RGS7BP: variants seen among roughly 807,000 people sequenced by gnomAD.
RGS7BP encodes the protein regulator of G protein signaling 7 binding protein.
A neutral mutation model predicts 31.3 loss-of-function variants in RGS7BP; 9 were observed. That is an observed-to-expected ratio of 0.29 (90% CI 0.17 to 0.50). The LOEUF is 0.50. Among genes scored for constraint, RGS7BP ranks in the 20% least tolerant of loss-of-function variants. RGS7BP has a pLI of 0.98. For synonymous variants in RGS7BP, 115 were observed against 120.1 expected (o/e 0.96, Z 0.28); for missense variants, 274 against 322.0 (o/e 0.85, Z 1.14).
Position 64,612,233 on chromosome 5 carries a change from C to T in RGS7BP, c.*2981C>T, listed in dbSNP as rs536518084. 147 of 152,176 alleles carry T rather than the reference C, an allele frequency of 9.7e-4. 1 individual carries two copies. Among genetic ancestry groups the T allele is most frequent in the African/African-American group, 3.4e-3 (142 of 41,412 alleles). The allele number at this position is 152,176 out of a possible 1,614,324, so 9.4% of individuals were successfully genotyped here. A position where few individuals can be genotyped will look rare whatever the true frequency, so the allele number is the denominator to read the frequency against. On this transcript the variant is annotated 3_prime_UTR_variant, in exon 6 of 6. Coordinates refer to ENST00000334025, the MANE Select transcript of RGS7BP (RefSeq NM_001029875.3). ...GGTTTTAAATCAGTCAGTGGCTGGG[C>T]CCAAAGGCACTTTTGGGTAAGATAA...
intron 2 of RGS7BP, among the ~76,000 whole-genome samples, chr5:64,553,724 G>C (rs564564311): frequency 6.6e-6 from 1 of 152,154 alleles, no homozygotes; most frequent in East Asian, 1.9e-4. Flanking sequence ...CATAAGGTCT[G>C]TGTAAGATTG....
At chr5:64,532,448 A>T (rs1423069508) in intron 2 of RGS7BP, among the ~76,000 whole-genome samples, 1 of 152,200 alleles carries the variant, frequency 6.6e-6, no homozygotes, top group Non-Finnish European at 1.5e-5. Flanking sequence ...ATTTATTCTT[A>T]GGAGAAATTG....
chr5:64,552,815 A>T (rs558892512), intron 2 of RGS7BP, among the ~76,000 whole-genome samples: 37 of 152,228 alleles, frequency 2.4e-4, no homozygotes, highest in Admixed American at 7.2e-4. Context: ...GGGCTCAAGT[A>T]ACCCTCCTGC....
chr5:64,582,853 C>A (rs149703664), intron 3 of RGS7BP, among the ~76,000 whole-genome samples: 81 of 152,066 alleles, frequency 5.3e-4, no homozygotes, highest in African/African-American at 1.9e-3. Flanking sequence ...AGGAGGTGAT[C>A]CACATCAATA....
chr5:64,507,737 G>A lies in RGS7BP; in HGVS notation c.192G>A (p.Val64=). The A allele has an allele frequency of 6.2e-7, 1 of 1,605,632 alleles. No homozygotes were observed. The highest frequency in any genetic ancestry group is 8.5e-7 in the Non-Finnish European group (1 of 1,176,670). The change falls in exon 2 of 6, where the codon GTG becomes GTA. Residue 64 remains valine, a synonymous_variant. Coordinates refer to ENST00000334025, the MANE Select transcript of RGS7BP (RefSeq NM_001029875.3). ...TTGTCCAAGAGTTCAACACACAAGT[G>A]GCCCTGTACCGAGAGCTGGTCATTT... The part of the protein sequence containing the change: ...KMLVQEFNTQ[V]ALYRELVISI...
At chr5:64,511,264 G>A (rs1259190901) in intron 2 of RGS7BP, among the ~76,000 whole-genome samples, 1 of 152,230 alleles carries the variant, frequency 6.6e-6, no homozygotes, top group African/African-American at 2.4e-5. Flanking sequence ...TTCTCAAATT[G>A]TGTTTGGATC....
intron 2 of RGS7BP, among the ~76,000 whole-genome samples, chr5:64,567,169 T>C (rs1458160929): frequency 6.7e-6 from 1 of 150,016 alleles, no homozygotes; most frequent in Non-Finnish European, 1.5e-5. Flanking sequence ...CAGAACATTC[T>C]TATTAGTATG....
rs1449573947 is a variant in RGS7BP at position 64,609,118 on chromosome 5, T to C, written c.683-43T>C. The stretch of plus-strand genomic sequence containing the variant: ...AGCCACTTCCTAAAAAGCAGGTTGT[T>C]GTGTCTATACCTCACTTATGTGCAC... On this transcript the variant is annotated intron_variant, in intron 5 of 5. Coordinates refer to ENST00000334025, the MANE Select transcript of RGS7BP (RefSeq NM_001029875.3). 2.4e-6 allele frequency: 3 copies of C among 1,255,572 alleles called. No individual in the cohort carries two copies. In the African/African-American group the frequency reaches 4.4e-5, roughly 19 times the overall value. 77.8% of individuals were successfully genotyped at this position (1,255,572 alleles called of 1,614,324 possible).
At chr5:64,548,504 C>T (rs1413531735) in intron 2 of RGS7BP, among the ~76,000 whole-genome samples, 1 of 152,050 alleles carries the variant, frequency 6.6e-6, no homozygotes, top group Non-Finnish European at 1.5e-5. Context: ...CCAACCTGTT[C>T]TCTTTTTTAT....
intron 2 of RGS7BP, among the ~76,000 whole-genome samples, chr5:64,559,566 C>T (rs1027795111): frequency 6.6e-6 from 1 of 152,126 alleles, no homozygotes; most frequent in Admixed American, 6.6e-5. Flanking sequence ...TGTATTATTT[C>T]AGGCTAACAC....
chr5:64,566,183 T>A (rs1742164866), intron 2 of RGS7BP, among the ~76,000 whole-genome samples: 1 of 152,114 alleles, frequency 6.6e-6, no homozygotes, highest in Non-Finnish European at 1.5e-5. Flanking sequence ...ATTAGTATGA[T>A]AAACAGATGC....
chr5:64,609,321 G>T lies in RGS7BP; in HGVS notation c.*69G>T. On this transcript the variant is annotated 3_prime_UTR_variant, in exon 6 of 6. Transcript: ENST00000334025. ...CACAAAACCCGAGGACCTCCAGACAGCTGAACCACACAGTTATTGGTTTTT... is the reference window on the plus strand; with the variant it reads ...CACAAAACCCGAGGACCTCCAGACATCTGAACCACACAGTTATTGGTTTTT... 2.3e-6 allele frequency: 2 copies of T among 859,036 alleles called. No individual in the cohort carries two copies. Among genetic ancestry groups the T allele is most frequent in the East Asian group, 2.4e-5 (1 of 41,320 alleles). 53.2% of individuals were successfully genotyped at this position (859,036 alleles called of 1,614,324 possible).
intron 2 of RGS7BP, among the ~76,000 whole-genome samples, chr5:64,517,622 C>T (rs955920960): frequency 7.9e-5 from 12 of 152,194 alleles, no homozygotes; most frequent in Admixed American, 4.6e-4. Flanking sequence ...GTCTTACCTG[C>T]ACCTCATTAT....
chr5:64,540,738 G>C (rs1371135243), intron 2 of RGS7BP, among the ~76,000 whole-genome samples: 1 of 152,194 alleles, frequency 6.6e-6, no homozygotes, highest in Non-Finnish European at 1.5e-5. Context: ...ATGAAGGGGA[G>C]AGAAAGCAGT....
intron 3 of RGS7BP, among the ~76,000 whole-genome samples, chr5:64,582,063 T>C (rs924482361): frequency 6.6e-6 from 1 of 152,228 alleles, no homozygotes; most frequent in African/African-American, 2.4e-5. Context: ...TCTAACACTT[T>C]AAGTTATAGA....
rs1382416355 is a variant in RGS7BP, at chr5:64,610,781, G to T, written c.*1529G>T. On this transcript the variant is annotated 3_prime_UTR_variant, in exon 6 of 6. Transcript: ENST00000334025. ...ATGTGACTGTTTTGACCTACAAAAT[G>T]GCAATTTCTTATAGTTCACCCTAAT... 1 of 151,838 alleles carries T rather than the reference G, an allele frequency of 6.6e-6. No individual in the cohort carries two copies. The highest frequency in any genetic ancestry group is 2.4e-5 in the African/African-American group (1 of 41,364). The allele number at this position is 151,838 out of a possible 1,614,324, so 9.4% of individuals were successfully genotyped here. A position where few individuals can be genotyped will look rare whatever the true frequency, so the allele number is the denominator to read the frequency against.
intron 2 of RGS7BP, among the ~76,000 whole-genome samples, chr5:64,522,505 A>G (rs1749131779): frequency 6.6e-6 from 1 of 152,200 alleles, no homozygotes; most frequent in Non-Finnish European, 1.5e-5. Flanking sequence ...TTCCACCATA[A>G]GTCACATTTT....
At chr5:64,534,042 G>C (rs1749441656) in intron 2 of RGS7BP, among the ~76,000 whole-genome samples, 1 of 152,242 alleles carries the variant, frequency 6.6e-6, no homozygotes, top group Non-Finnish European at 1.5e-5. Flanking sequence ...ATGAGAGCAA[G>C]TGTGCTGCAT....
intron 2 of RGS7BP, among the ~76,000 whole-genome samples, chr5:64,566,555 A>G (rs112572205): frequency 2.0e-4 from 31 of 152,180 alleles, no homozygotes; most frequent in African/African-American, 4.3e-4. Context: ...CACAGCAGCT[A>G]TACATGCTTG....
Sources: gnomAD v4.1 joint callset for allele counts (sites outside exome capture counted in the v4.1 genomes callset) on GRCh38, gnomAD v4.1.1 for gene constraint, MANE v1.5 for transcripts, NCBI Gene and HGNC (gene_info 2026-07-23, HGNC 2026-07-21) for gene names.